The following RASD2 variants were observed in gnomAD, a reference collection of about 807,000 sequenced individuals.
RASD2 encodes RASD family member 2, also known as GTP-binding protein Rhes.
In RASD2, 7 loss-of-function variants were observed where a neutral mutation model predicts 15.8. That is an observed-to-expected ratio of 0.44 (90% CI 0.25 to 0.83). The LOEUF (loss-of-function observed/expected upper bound fraction) is 0.83, where lower values mean the gene tolerates loss of function less well. Ranked by LOEUF, RASD2 falls within the 40% of genes least tolerant of loss-of-function variation. RASD2 has a pLI of 0.20. For synonymous variants in RASD2, 155 were observed against 153.6 expected, an observed-to-expected ratio of 1.01 and a Z score of -0.07; for missense variants, 274 against 382.8, an observed-to-expected ratio of 0.72 and a Z score of 2.37.
upstream of RASD2, among the ~76,000 whole-genome samples, chr22:35,538,285 C>G (rs1315113780): frequency 1.3e-5 from 2 of 152,084 alleles, no homozygotes; most frequent in African/African-American, 4.8e-5. Flanking sequence ...GATTTTATAT[C>G]TTAAGCAATG....
chr22:35,542,885 T>G (rs1365208511), intron 1 of RASD2, among the ~76,000 whole-genome samples: 2 of 152,138 alleles, frequency 1.3e-5, no homozygotes, highest in Admixed American at 1.3e-4. Flanking sequence ...GCCTGCCCCC[T>G]TTCCGCTCCG....
the RASD2 span, among the ~76,000 whole-genome samples, chr22:35,532,977 A>G: frequency 6.6e-6 from 1 of 152,218 alleles, no homozygotes; most frequent in African/African-American, 2.4e-5. Flanking sequence ...TCCCAGCTCC[A>G]TCAATTATTG....
rs772179150 is a variant in RASD2, at chr22:35,546,917, G to A, written c.108G>A (p.Val36=). Residue 36 remains valine, a synonymous_variant, in exon 2 of 3, where the codon GTG becomes GTA. Transcript: ENST00000216127. ...GASRVGKSSI[V]SRFLNGRFED... is the part of the protein sequence containing the mutation. The stretch of plus-strand genomic sequence containing the variant: ...CTCGGGTGGGCAAGAGCTCCATCGT[G>A]TCTCGCTTCCTCAATGGCCGCTTTG... The A allele has an allele frequency of 6.2e-7, 1 of 1,613,534 alleles. No individual in the cohort carries two copies. The highest frequency in any genetic ancestry group is 2.2e-5 in the East Asian group (1 of 44,852).
At position 35,546,891 on chromosome 22, in the gene RASD2, T is replaced by C. The variant is rs1372211608; in HGVS notation, c.82T>C (p.Ser28Pro). The C allele has an allele frequency of 3.1e-6, 5 of 1,613,520 alleles. No individual in the cohort carries two copies. Among genetic ancestry groups the C allele is most frequent in the Non-Finnish European group, 4.2e-6 (5 of 1,179,788 alleles). The change falls in exon 2 of 3, where the codon TCT (serine) becomes CCT (proline). Residue 28 changes from serine (S) to proline (P), a missense_variant. By Grantham distance (74) the Ser-to-Pro change is moderately conservative (BLOSUM62 -1). Transcript: ENST00000216127. ...ATACCGCATGGTGGTGCTGGGTGCCTCTCGGGTGGGCAAGAGCTCCATCGT... is the reference window on the plus strand; with the variant it reads ...ATACCGCATGGTGGTGCTGGGTGCCCCTCGGGTGGGCAAGAGCTCCATCGT... ...NSYRMVVLGA[S>P]RVGKSSIVSR...
At chr22:35,534,695 G>A in the RASD2 span, among the ~76,000 whole-genome samples, 1 of 152,260 alleles carries the variant, frequency 6.6e-6, no homozygotes, top group Non-Finnish European at 1.5e-5. Context: ...CTGTATGGTT[G>A]TGTAGGTTGC....
rs1199041763 is a variant in RASD2 at position 35,551,912 on chromosome 22, C to T, written c.681C>T (p.Ala227=). ...TGCGCCGCGTCAAGGAGATGGACGC[C>T]TATGGCATGGTCTCGCCCTTCGCCC... ...FCMRRVKEMD[A]YGMVSPFARR... Residue 227 remains alanine (A), a synonymous_variant, in exon 3 of 3, where the codon GCC becomes GCT. Coordinates refer to ENST00000216127, the MANE Select transcript of RASD2 (RefSeq NM_014310.4). This position sits in a 1 kb window ranked among gnomAD's most constrained non-coding sequence, Gnocchi z 4.9. 8 of 1,612,240 alleles carry T rather than the reference C, an allele frequency of 5.0e-6. No homozygotes were observed. The highest frequency in any genetic ancestry group is 6.8e-6 in the Non-Finnish European group (8 of 1,180,036).
At position 35,552,489 on chromosome 22, in the gene RASD2, C is replaced by T. The variant is rs1341388089; in HGVS notation, c.*457C>T. 14 of 162,922 alleles carry T rather than the reference C, an allele frequency of 8.6e-5. No homozygotes were observed. The highest frequency in any genetic ancestry group is 5.4e-5 in the Non-Finnish European group (4 of 74,642). 10.1% of individuals were successfully genotyped at this position (162,922 alleles called of 1,614,324 possible). On this transcript the variant is annotated 3_prime_UTR_variant, in exon 3 of 3. Transcript: ENST00000216127. ...GGTGGCAGCTGGGAGAACTTCTCTC[C>T]CAGCCCTGCAACTCTTACGCTCTGG... is the stretch of plus-strand genomic sequence containing the variant.
intron 1 of RASD2, among the ~76,000 whole-genome samples, chr22:35,545,316 G>A (rs1001101938): frequency 2.0e-5 from 3 of 152,194 alleles, no homozygotes; most frequent in East Asian, 1.9e-4. Flanking sequence ...GTTGGAAAGC[G>A]CCTTGGGTCA....
chr22:35,535,042 C>A, the RASD2 span, among the ~76,000 whole-genome samples: 1 of 152,178 alleles, frequency 6.6e-6, no homozygotes, highest in South Asian at 2.1e-4. Flanking sequence ...AGGGCGAGGA[C>A]CCCATGACAG....
At chr22:35,532,830 C>A in the RASD2 span, among the ~76,000 whole-genome samples, 28,997 of 152,094 alleles carry the variant, frequency 0.19, 3,411 homozygotes, top group Admixed American at 0.26. Flanking sequence ...CCAGGTTCTT[C>A]GGTGCCCTCC....
chr22:35,541,715 G>A (rs1241116868), intron 1 of RASD2, among the ~76,000 whole-genome samples: 1 of 152,238 alleles, frequency 6.6e-6, no homozygotes, highest in Non-Finnish European at 1.5e-5. Context: ...GTCAAACTGA[G>A]TGCTATACCC....
chr22:35,549,670 T>C (rs1172169648), intron 2 of RASD2, among the ~76,000 whole-genome samples: 1 of 152,172 alleles, frequency 6.6e-6, no homozygotes, highest in East Asian at 1.9e-4. Context: ...TGGTTAACAC[T>C]GACTGTGTGC....
chr22:35,551,393 G>T lies in RASD2; in HGVS notation c.272-110G>T. On this transcript the variant is annotated intron_variant, in intron 2 of 2. Coordinates refer to ENST00000216127, the MANE Select transcript of RASD2 (RefSeq NM_014310.4). The surrounding 1 kb of genome is among the most constrained non-coding windows in gnomAD (Gnocchi z 4.9). ...GTTAAAGCAGTTATGCCGCATAACT[G>T]CTTCAGGGCACCTGTGACTCCCAGC... 1 of 1,107,032 alleles carries T rather than the reference G, an allele frequency of 9.0e-7. No homozygotes were observed. The allele number at this position is 1,107,032 out of a possible 1,614,324, so 68.6% of individuals were successfully genotyped here.
At chr22:35,539,103 C>T (rs968220392), upstream of RASD2, among the ~76,000 whole-genome samples, 5 of 152,212 alleles carry the variant, frequency 3.3e-5, no homozygotes, top group Admixed American at 6.5e-5. Context: ...GGTTAACTTT[C>T]CTGGAGAATC....
chr22:35,550,819 A>T (rs1468686612), intron 2 of RASD2, among the ~76,000 whole-genome samples: 2 of 152,210 alleles, frequency 1.3e-5, no homozygotes, highest in Non-Finnish European at 2.9e-5. Flanking sequence ...CCTGTAATGC[A>T]AAGGTAACAA....
intron 1 of RASD2, among the ~76,000 whole-genome samples, chr22:35,546,349 T>C (rs1443329844): frequency 1.3e-5 from 2 of 152,132 alleles, no homozygotes; most frequent in African/African-American, 4.8e-5. Flanking sequence ...AATCACAGGC[T>C]CCGGGAAAGC....
the RASD2 span, among the ~76,000 whole-genome samples, chr22:35,533,640 ATGG>A: frequency 2.6e-4 from 1 of 3,788 alleles, no homozygotes; most frequent in African/African-American, 2.2e-3. Context: ...GATGGTGATG[ATGG>A]TGATGATGAC....
At chr22:35,538,657 C>A (rs896452692), upstream of RASD2, among the ~76,000 whole-genome samples, 1 of 152,182 alleles carries the variant, frequency 6.6e-6, no homozygotes, top group Non-Finnish European at 1.5e-5. Context: ...GCTCCCCTCG[C>A]GACTGGGATA....
chr22:35,552,794 C>T lies in RASD2; in HGVS notation c.*762C>T, dbSNP rs1934713106. On this transcript the variant is annotated 3_prime_UTR_variant, in exon 3 of 3. Transcript: ENST00000216127. ...TCATTGTACTGTAAAAGCCTAGTGA[C>T]TCCCTCCTTGGCCAGGCCCTCACCC... The T allele has an allele frequency of 6.5e-6, 1 of 152,700 alleles. No individual in the cohort carries two copies. The highest frequency in any genetic ancestry group is 2.1e-4 in the South Asian group (1 of 4,816). 9.5% of individuals were successfully genotyped at this position (152,700 alleles called of 1,614,324 possible).
Sources: allele counts gnomAD v4.1 joint callset (sites outside exome capture counted in the v4.1 genomes callset), GRCh38; gene constraint gnomAD v4.1.1; non-coding constraint Gnocchi (gnomAD v3.1); transcripts MANE v1.5; gene names NCBI Gene and HGNC (gene_info 2026-07-23, HGNC 2026-07-21).